Variants in ZNF385D observed in about 807,000 individuals in gnomAD.
ZNF385D encodes the protein zinc finger protein 659.
Under a neutral mutation model 35.8 loss-of-function variants are expected in ZNF385D, and 15 were observed. The observed-to-expected ratio is 0.42, with a 90% CI of 0.28 to 0.64. ZNF385D has a LOEUF of 0.64. ZNF385D is among the 30% of genes least tolerant of loss of function. ZNF385D has a pLI of 0.23. For synonymous variants in ZNF385D, 212 were observed against 186.8 expected (o/e 1.13, Z -1.10); for missense variants, 474 against 494.6 (o/e 0.96, Z 0.39).
At chr3:22,123,990 TGCTGACTGAACTC>T (rs1184045991) in intron 3 of ZNF385D, among the ~76,000 whole-genome samples, 7 of 89,998 alleles carry the variant, frequency 7.8e-5, no homozygotes, top group African/African-American at 2.8e-4. Flanking sequence ...ATATATATAT[TGCTGACTGAACTC>T]ATCCTGTTGT....
chr3:21,973,806 A>G (rs1354977405), intron 3 of ZNF385D, among the ~76,000 whole-genome samples: 1 of 151,752 alleles, frequency 6.6e-6, no homozygotes, highest in Non-Finnish European at 1.5e-5. Context: ...AAACATATCA[A>G]AAAACTAATC....
chr3:21,931,023 C>G (rs1050676315), intron 3 of ZNF385D, among the ~76,000 whole-genome samples: 7 of 151,856 alleles, frequency 4.6e-5, no homozygotes, highest in Admixed American at 2.0e-4. Context: ...AATGAAATGC[C>G]AAGTCATATA....
chr3:22,262,579 C>G (rs1201911388), intron 2 of ZNF385D, among the ~76,000 whole-genome samples: 2 of 151,866 alleles, frequency 1.3e-5, no homozygotes, highest in Non-Finnish European at 2.9e-5. Context: ...GTCGTCCAGT[C>G]TTAACATAAA....
intron 3 of ZNF385D, among the ~76,000 whole-genome samples, chr3:22,166,071 G>C (rs1171950627): frequency 1.6e-5 from 2 of 127,752 alleles, no homozygotes; most frequent in East Asian, 4.0e-4. Flanking sequence ...TACCATTCTT[G>C]ACTTTTCTCA....
At chr3:21,790,227 T>C (rs1350447786) in intron 3 of ZNF385D, among the ~76,000 whole-genome samples, 1 of 141,612 alleles carries the variant, frequency 7.1e-6, no homozygotes, top group East Asian at 2.1e-4. Context: ...ATTCTGAGCT[T>C]TAAAAATCGA....
intron 3 of ZNF385D, among the ~76,000 whole-genome samples, chr3:21,792,504 A>G (rs1212225128): frequency 6.6e-6 from 1 of 152,188 alleles, no homozygotes; most frequent in African/African-American, 2.4e-5. Context: ...GCTGGAGACC[A>G]TCTGCCATGG....
chr3:21,526,198 G>T (rs233158), intron 3 of ZNF385D, among the ~76,000 whole-genome samples: 114,179 of 151,906 alleles, frequency 0.75, 43,162 homozygotes, highest in East Asian at 0.89. Flanking sequence ...GTTTGTAAAA[G>T]TATTCCAAAA....
At chr3:22,097,802 A>G (rs934450767) in intron 3 of ZNF385D, among the ~76,000 whole-genome samples, 2 of 152,084 alleles carry the variant, frequency 1.3e-5, no homozygotes, top group African/African-American at 4.8e-5. Context: ...ACTAGGAACC[A>G]CATTTCTGTC....
At chr3:22,230,656 A>T (rs1157751247) in intron 2 of ZNF385D, among the ~76,000 whole-genome samples, 1 of 152,208 alleles carries the variant, frequency 6.6e-6, no homozygotes, top group Non-Finnish European at 1.5e-5. Flanking sequence ...TAGCTAGTGA[A>T]AATGAGGGAA....
At chr3:21,924,442 A>G (rs13091998) in intron 3 of ZNF385D, among the ~76,000 whole-genome samples, 81,249 of 152,056 alleles carry the variant, frequency 0.53, 23,802 homozygotes, top group South Asian at 0.66. Flanking sequence ...AAGGGACAGA[A>G]GAGGGGCAAC....
chr3:22,129,968 G>A (rs536714940), intron 3 of ZNF385D, among the ~76,000 whole-genome samples: 18 of 152,124 alleles, frequency 1.2e-4, no homozygotes, highest in Non-Finnish European at 2.2e-4. Flanking sequence ...CAAGGCCCAT[G>A]GCGACTGCTG....
chr3:21,655,890 G>A (rs970306830), intron 2 of ZNF385D, among the ~76,000 whole-genome samples: 1 of 151,910 alleles, frequency 6.6e-6, no homozygotes, highest in African/African-American at 2.4e-5. Context: ...CAATATGCAA[G>A]GCTCTTATGA....
chr3:21,481,642 C>T (rs1365356674), intron 4 of ZNF385D, among the ~76,000 whole-genome samples: 1 of 152,106 alleles, frequency 6.6e-6, no homozygotes, highest in Non-Finnish European at 1.5e-5. Flanking sequence ...GATCTTCCCA[C>T]TTTGCCTCCA....
intron 3 of ZNF385D, among the ~76,000 whole-genome samples, chr3:21,803,381 T>C (rs73820143): frequency 0.019 from 2,945 of 152,304 alleles, 88 homozygotes; most frequent in African/African-American, 0.065. Flanking sequence ...CATAGTTTTC[T>C]AGAAAATCAT....
chr3:21,563,859 A>AT (rs910181873), intron 3 of ZNF385D, among the ~76,000 whole-genome samples: 202 of 151,494 alleles, frequency 1.3e-3, no homozygotes, highest in African/African-American at 4.3e-3. Flanking sequence ...GAAGACATAC[A>AT]TTTTTTTTTC....
At chr3:22,001,485 A>G (rs1392889304) in intron 3 of ZNF385D, among the ~76,000 whole-genome samples, 1 of 152,188 alleles carries the variant, frequency 6.6e-6, no homozygotes, top group African/African-American at 2.4e-5. Context: ...CAGATATATA[A>G]AACAAATATT....
chr3:22,119,639 G>A lies in ZNF385D; in HGVS notation c.325+49178C>T, dbSNP rs774399540. Among the ~76,000 whole-genome samples, 3 of 152,016 alleles carry A rather than the reference G, an allele frequency of 2.0e-5. No individual in the cohort carries two copies. The South Asian group carries it at 6.2e-4, about 32-fold the overall frequency. On this transcript the variant is annotated intron_variant, in intron 3 of 5. Transcript: ENST00000494108. ...TGCTCTGCTTTTATAGCTAGCTTAT[G>A]GTTACTTCAGCCACTGTGCAGGACA...
chr3:21,837,285 A>T (rs74350968), intron 3 of ZNF385D, among the ~76,000 whole-genome samples: 1 of 152,256 alleles, frequency 6.6e-6, no homozygotes, highest in East Asian at 1.9e-4. Context: ...AGTGTCTTCA[A>T]ACAACAGCAA....
chr3:22,064,644 G>A (rs910446244), intron 3 of ZNF385D, among the ~76,000 whole-genome samples: 2 of 152,170 alleles, frequency 1.3e-5, no homozygotes, highest in Non-Finnish European at 2.9e-5. Flanking sequence ...CAACACCACA[G>A]ATGAACCTGG....
Sources: allele counts gnomAD v4.1 joint callset (sites outside exome capture counted in the v4.1 genomes callset), GRCh38; gene constraint gnomAD v4.1.1; transcripts MANE v1.5; gene names NCBI Gene and HGNC (gene_info 2026-07-23, HGNC 2026-07-21).